The following RAB3GAP1 variants were observed in gnomAD, a reference collection of about 807,000 sequenced individuals.
The protein encoded by RAB3GAP1 is rab3 GTPase-activating protein catalytic subunit.
Under a neutral mutation model 130.7 loss-of-function variants are expected in RAB3GAP1, and 86 were observed. That is an observed-to-expected ratio of 0.66 (90% confidence interval 0.55 to 0.79). RAB3GAP1 has a LOEUF of 0.79. Among genes scored for constraint, RAB3GAP1 ranks in the 30% least tolerant of loss-of-function variants. RAB3GAP1 has a pLI of 0.00. For missense variants in RAB3GAP1, 1,029 were observed against 1,169.4 expected, an observed-to-expected ratio of 0.88 and a Z score of 1.75; for synonymous variants, 367 against 401.7, an observed-to-expected ratio of 0.91 and a Z score of 1.03.
rs587777152 is a variant in RAB3GAP1, at chr2:135,126,250, G to A, written c.899+1G>A. ...TCATTGTGGATAATGATGTTTATTC[G>A]TAAGTATGTTAAGAGTAGTAGTACA... is the stretch of plus-strand genomic sequence containing the variant. On this transcript the variant is annotated splice_donor_variant, in intron 10 of 23. Coordinates refer to ENST00000264158, the MANE Select transcript of RAB3GAP1 (RefSeq NM_012233.3). LOFTEE classifies it high-confidence loss of function. 2.5e-5 allele frequency: 40 copies of A among 1,608,352 alleles called. No individual in the cohort carries two copies. Among genetic ancestry groups the A allele is most frequent in the Non-Finnish European group, 3.2e-5 (38 of 1,175,212 alleles).
chr2:135,092,816 G>C (rs990263948), intron 4 of RAB3GAP1, among the ~76,000 whole-genome samples: 1 of 152,158 alleles, frequency 6.6e-6, no homozygotes, highest in African/African-American at 2.4e-5. Context: ...TAATTTGATT[G>C]TGATTGAGCC....
intron 5 of RAB3GAP1, among the ~76,000 whole-genome samples, chr2:135,108,733 C>A (rs1430196504): frequency 6.6e-6 from 1 of 151,990 alleles, no homozygotes; most frequent in Non-Finnish European, 1.5e-5. Context: ...CTGGATTGTG[C>A]CTTTGGTGTT....
chr2:135,138,912 A>AG (rs1181054380), intron 17 of RAB3GAP1, among the ~76,000 whole-genome samples: 5 of 152,174 alleles, frequency 3.3e-5, no homozygotes, highest in African/African-American at 1.2e-4. Context: ...CACTGTGCCC[A>AG]GCCTCAATTT....
intron 19 of RAB3GAP1, among the ~76,000 whole-genome samples, chr2:135,156,460 T>G (rs1692314323): frequency 6.6e-6 from 1 of 152,174 alleles, no homozygotes; most frequent in Non-Finnish European, 1.5e-5. Context: ...AATATCATTT[T>G]AAGAAAACAA....
intron 4 of RAB3GAP1, among the ~76,000 whole-genome samples, chr2:135,092,206 G>A (rs1273236418): frequency 6.6e-6 from 1 of 152,164 alleles, no homozygotes; most frequent in East Asian, 1.9e-4. Context: ...TTAAGAGGAA[G>A]AGGGAAGTGT....
intron 5 of RAB3GAP1, among the ~76,000 whole-genome samples, chr2:135,105,553 G>T (rs959398223): frequency 6.6e-6 from 1 of 152,108 alleles, no homozygotes; most frequent in Non-Finnish European, 1.5e-5. Context: ...GCCCAGGCTG[G>T]AGTGCAGTGG....
chr2:135,168,637 T>C lies in RAB3GAP1; in HGVS notation c.2802T>C (p.Pro934=). 6.2e-7 allele frequency: 1 copy of C among 1,614,198 alleles called. No homozygotes were observed. Residue 934 remains proline (P), a synonymous_variant, in exon 24 of 24, where the codon CCT becomes CCC. Coordinates refer to ENST00000264158, the MANE Select transcript of RAB3GAP1 (RefSeq NM_012233.3). The part of the protein sequence containing the change: ...RQNSVSDFPP[P]AGREFILRTT... ...ACTCCGTGTCAGACTTCCCACCCCC[T>C]GCTGGCCGGGAATTCATTTTGCGCA...
intron 5 of RAB3GAP1, among the ~76,000 whole-genome samples, chr2:135,107,187 T>C (rs1413001765): frequency 6.6e-6 from 1 of 152,068 alleles, no homozygotes; most frequent in Non-Finnish European, 1.5e-5. Flanking sequence ...GACATTCTTA[T>C]GTAAACAAAG....
At chr2:135,091,275 G>A (rs1284859893) in intron 4 of RAB3GAP1, 145 bp downstream of exon 4, 1 of 700,242 alleles carries the variant, frequency 1.4e-6, no homozygotes, top group Non-Finnish European at 2.4e-6. Flanking sequence ...ATCTGAGGTA[G>A]AGGATGAATT....
chr2:135,128,995 A>G (rs1691437277), intron 11 of RAB3GAP1, among the ~76,000 whole-genome samples: 1 of 152,142 alleles, frequency 6.6e-6, no homozygotes, highest in South Asian at 2.1e-4. Flanking sequence ...TACAAAAAAT[A>G]CAAAAATTAG....
intron 3 of RAB3GAP1, among the ~76,000 whole-genome samples, chr2:135,087,928 G>A (rs963242292): frequency 1.3e-5 from 2 of 152,022 alleles, no homozygotes; most frequent in Non-Finnish European, 2.9e-5. Flanking sequence ...TTGTCATTTC[G>A]GTTCGCATAG....
chr2:135,118,072 C>T (rs1007029040), intron 7 of RAB3GAP1, among the ~76,000 whole-genome samples: 1 of 152,056 alleles, frequency 6.6e-6, no homozygotes, highest in African/African-American at 2.4e-5. Flanking sequence ...TCTTCAACTC[C>T]TAGGCTCAAG....
chr2:135,173,435 CAA>C (rs1692914985), downstream of RAB3GAP1, among the ~76,000 whole-genome samples: 1 of 152,002 alleles, frequency 6.6e-6, no homozygotes. Flanking sequence ...AAACATACTT[CAA>C]GAGGGTGGGA....
At chr2:135,075,732 CTCTA>C (rs927246827) in intron 3 of RAB3GAP1, among the ~76,000 whole-genome samples, 5 of 150,838 alleles carry the variant, frequency 3.3e-5, no homozygotes, top group African/African-American at 4.9e-5. Context: ...ATCTGACGAT[CTCTA>C]TCTACTCATT....
intron 8 of RAB3GAP1, among the ~76,000 whole-genome samples, chr2:135,123,609 A>G (rs1374816329): frequency 6.6e-6 from 1 of 152,176 alleles, no homozygotes; most frequent in Non-Finnish European, 1.5e-5. Flanking sequence ...GATAGAACTA[A>G]GGGAATGATT....
At chr2:135,082,161 G>A (rs13391178) in intron 3 of RAB3GAP1, among the ~76,000 whole-genome samples, 7 of 150,248 alleles carry the variant, frequency 4.7e-5, no homozygotes, top group South Asian at 4.3e-4. Context: ...ATGAATGAAT[G>A]AATAAATAAA....
In RAB3GAP1 at chr2:135,135,931, A is replaced by T; in HGVS notation, c.1922A>T (p.Gln641Leu). 1 of 1,613,690 alleles carries T rather than the reference A, an allele frequency of 6.2e-7. No homozygotes were observed. Among genetic ancestry groups the T allele is most frequent in the Non-Finnish European group, 8.5e-7 (1 of 1,179,552 alleles). ...GAACCTCTCTACATTCCAGTAACCC[A>T]GGTAGGATGCACTAGTTCTTTCCAT... ...NGEPLYIPVTQEPAPMTEDLL... is the reference protein window; with the variant it reads ...NGEPLYIPVTLEPAPMTEDLL... Residue 641 changes from glutamine to leucine, a missense_variant and splice_region_variant, in exon 17 of 24, where the codon CAG becomes CTG. Around this residue, in one of 3 missense-constraint regions of RAB3GAP1, gnomAD observed 373 missense variants for 493.6 expected, o/e 0.76. Transcript: ENST00000264158.
intron 5 of RAB3GAP1, among the ~76,000 whole-genome samples, chr2:135,106,736 C>G (rs1397442251): frequency 1.6e-5 from 2 of 125,494 alleles, no homozygotes; most frequent in Non-Finnish European, 3.4e-5. Context: ...GAGAAACACC[C>G]AAGAATCATC....
intron 3 of RAB3GAP1, among the ~76,000 whole-genome samples, chr2:135,081,221 G>A (rs1248122575): frequency 1.4e-5 from 2 of 147,112 alleles, no homozygotes; most frequent in Admixed American, 6.9e-5. Context: ...GCAGGAGAAT[G>A]GCGTGAACCC....
Sources: gnomAD v4.1 joint callset for allele counts (sites outside exome capture counted in the v4.1 genomes callset) on GRCh38, gnomAD v4.1.1 for gene constraint, gnomAD v4.1.1 regional missense constraint, MANE v1.5 for transcripts, NCBI Gene and HGNC (gene_info 2026-07-23, HGNC 2026-07-21) for gene names.